The following TNFSF4 variants were observed in gnomAD, a reference collection of about 807,000 sequenced individuals.
The protein encoded by TNFSF4 is TNF superfamily member 4.
Under a neutral mutation model 7.3 loss-of-function variants are expected in TNFSF4, and 4 were observed. The ratio of observed to expected loss-of-function variants is 0.55; its 90% CI spans 0.27 to 1.25. TNFSF4 has a LOEUF of 1.25. Ranked by LOEUF, TNFSF4 falls within the 50% of genes most tolerant of loss-of-function variation. The pLI is 0.12. For synonymous variants in TNFSF4, 76 were observed against 83.7 expected (o/e 0.91, Z 0.50); for missense variants, 181 against 208.8 (o/e 0.87, Z 0.82).
chr1:173,198,040 A>G (rs1160685149), intron 1 of TNFSF4, among the ~76,000 whole-genome samples: 1 of 152,178 alleles, frequency 6.6e-6, no homozygotes, highest in Admixed American at 6.5e-5. Flanking sequence ...AGAAAAAAAA[A>G]GAAATTGGCC....
the TNFSF4 span, among the ~76,000 whole-genome samples, chr1:173,380,513 C>T: frequency 6.6e-6 from 1 of 152,128 alleles, no homozygotes; most frequent in Admixed American, 6.5e-5. Flanking sequence ...TTGTCCGCTT[C>T]TCAGGGCCTC....
the TNFSF4 span, among the ~76,000 whole-genome samples, chr1:173,287,585 T>C: frequency 2.0e-5 from 3 of 152,186 alleles, no homozygotes; most frequent in African/African-American, 7.2e-5. Context: ...TATCAATAAA[T>C]GTAAATGTTT....
chr1:173,240,331 C>A, the TNFSF4 span, among the ~76,000 whole-genome samples: 2 of 152,074 alleles, frequency 1.3e-5, no homozygotes, highest in East Asian at 3.9e-4. Flanking sequence ...TCCCTTTTCC[C>A]CTCCATAGAC....
At chr1:173,203,692 A>G (rs1322090683) in intron 1 of TNFSF4, among the ~76,000 whole-genome samples, 7 of 152,216 alleles carry the variant, frequency 4.6e-5, no homozygotes, top group South Asian at 2.1e-4. Flanking sequence ...AGCTGAAAAA[A>G]AAGTGATAAG....
chr1:173,187,055 A>C (rs986564072), intron 2 of TNFSF4, among the ~76,000 whole-genome samples, 190 bp from the exon 3 acceptor site: 11 of 143,642 alleles, frequency 7.7e-5, no homozygotes, highest in African/African-American at 2.8e-4. Context: ...TGTCTCAAAC[A>C]AAAAAAAAAA....
chr1:173,245,472 C>A, the TNFSF4 span, among the ~76,000 whole-genome samples: 2 of 152,160 alleles, frequency 1.3e-5, no homozygotes, highest in African/African-American at 4.8e-5. Context: ...TTAACTGACA[C>A]ATAATAACTA....
chr1:173,235,432 C>T, the TNFSF4 span, among the ~76,000 whole-genome samples: 1 of 152,224 alleles, frequency 6.6e-6, no homozygotes, highest in Non-Finnish European at 1.5e-5. Flanking sequence ...GGTGGGTCCA[C>T]CCCATTGTCC....
At chr1:173,230,550 G>A in the TNFSF4 span, among the ~76,000 whole-genome samples, 1 of 152,128 alleles carries the variant, frequency 6.6e-6, no homozygotes, top group East Asian at 1.9e-4. Flanking sequence ...ACATTCAAAA[G>A]CTAGCAGAAG....
chr1:173,204,623 G>A (rs1198087871), intron 1 of TNFSF4, among the ~76,000 whole-genome samples: 1 of 152,010 alleles, frequency 6.6e-6, no homozygotes, highest in Admixed American at 6.6e-5. Context: ...AATAAAAGAG[G>A]TCCAATTTAA....
the TNFSF4 span, among the ~76,000 whole-genome samples, chr1:173,258,743 T>C: frequency 2.6e-5 from 4 of 152,156 alleles, no homozygotes; most frequent in Admixed American, 2.0e-4. Context: ...TGTGGTCAGA[T>C]TGACTCTTTA....
At chr1:173,424,612 G>T in the TNFSF4 span, among the ~76,000 whole-genome samples, 1 of 152,154 alleles carries the variant, frequency 6.6e-6, no homozygotes, top group Non-Finnish European at 1.5e-5. Flanking sequence ...ATAGGTTCTG[G>T]GCCATTCTAG....
At chr1:173,205,382 C>A in intron 1 of TNFSF4, 4 of 1,609,818 alleles carry the variant, frequency 2.5e-6, no homozygotes, top group South Asian at 2.2e-5. Flanking sequence ...CCCAGAGTTG[C>A]TGGATGACTT....
At chr1:173,270,190 A>C in the TNFSF4 span, among the ~76,000 whole-genome samples, 102 of 152,246 alleles carry the variant, frequency 6.7e-4, no homozygotes, top group Non-Finnish European at 1.1e-3. Flanking sequence ...TTGGGGGAAA[A>C]CATTTAGAAG....
the TNFSF4 span, among the ~76,000 whole-genome samples, chr1:173,215,562 T>C: frequency 6.6e-6 from 1 of 152,208 alleles, no homozygotes; most frequent in African/African-American, 2.4e-5. Context: ...CGTAATACAC[T>C]AAGCAGCATG....
At chr1:173,305,391 T>G in the TNFSF4 span, among the ~76,000 whole-genome samples, 3 of 151,890 alleles carry the variant, frequency 2.0e-5, no homozygotes, top group Non-Finnish European at 4.4e-5. Context: ...GAAACACGCT[T>G]AAGTGGAAGA....
At chr1:173,263,372 A>G in the TNFSF4 span, among the ~76,000 whole-genome samples, 2 of 152,202 alleles carry the variant, frequency 1.3e-5, no homozygotes, top group Non-Finnish European at 2.9e-5. Flanking sequence ...CGCTATTTCA[A>G]TTACTCAATT....
At chr1:173,413,164 G>C in the TNFSF4 span, among the ~76,000 whole-genome samples, 1 of 152,120 alleles carries the variant, frequency 6.6e-6, no homozygotes, top group Non-Finnish European at 1.5e-5. Flanking sequence ...GACAGAGGTG[G>C]GCCTTACCTT....
chr1:173,442,900 G>T, the TNFSF4 span, among the ~76,000 whole-genome samples: 8 of 151,880 alleles, frequency 5.3e-5, no homozygotes, highest in South Asian at 1.5e-3. Context: ...GGCCTGGCTG[G>T]TCTCAAACTC....
At chr1:173,293,540 T>C in the TNFSF4 span, among the ~76,000 whole-genome samples, 3 of 152,092 alleles carry the variant, frequency 2.0e-5, no homozygotes, top group African/African-American at 7.2e-5. Context: ...GGAAATACCA[T>C]TCTGGACACT....
Sources: gnomAD v4.1 joint callset for allele counts (sites outside exome capture counted in the v4.1 genomes callset) on GRCh38, gnomAD v4.1.1 for gene constraint, MANE v1.5 for transcripts, NCBI Gene and HGNC (gene_info 2026-07-23, HGNC 2026-07-21) for gene names.